Variants in PPARGC1A observed in about 807,000 individuals in gnomAD.
PPARGC1A encodes PPARG coactivator 1 alpha, also known as peroxisome proliferator-activated receptor gamma coactivator 1-alpha.
PPARGC1A carries 25 observed loss-of-function variants against 88.7 expected under a neutral mutation model. The observed-to-expected ratio is 0.28, with a 90% CI of 0.21 to 0.39. The LOEUF (loss-of-function observed/expected upper bound fraction) is 0.39, where lower values mean the gene tolerates loss of function less well. Among genes scored for constraint, PPARGC1A ranks in the 10% least tolerant of loss-of-function variants. The pLI, the probability that PPARGC1A is intolerant of heterozygous loss-of-function variation, is 1.00. For missense variants in PPARGC1A, 880 were observed against 968.7 expected, an observed-to-expected ratio of 0.91 and a Z score of 1.22; for synonymous variants, 363 against 355.6, an observed-to-expected ratio of 1.02 and a Z score of -0.24.
the PPARGC1A span, among the ~76,000 whole-genome samples, chr4:24,125,161 TTA>T: frequency 6.6e-6 from 1 of 152,142 alleles, no homozygotes; most frequent in Admixed American, 6.5e-5. Context: ...TGAGCCCAAG[TTA>T]TATAGAGTCC....
At chr4:24,063,837 C>T in the PPARGC1A span, among the ~76,000 whole-genome samples, 1 of 152,140 alleles carries the variant, frequency 6.6e-6, no homozygotes, top group Non-Finnish European at 1.5e-5. Flanking sequence ...TCAATGCCTC[C>T]CCATCCCCCT....
intron 12 of PPARGC1A, among the ~76,000 whole-genome samples, chr4:23,796,398 G>A (rs1306156842): frequency 6.6e-6 from 1 of 152,186 alleles, no homozygotes; most frequent in Non-Finnish European, 1.5e-5. Flanking sequence ...TGAGGCAGGA[G>A]GGGACATATG....
chr4:24,359,131 C>T, the PPARGC1A span, among the ~76,000 whole-genome samples: 1 of 152,292 alleles, frequency 6.6e-6, no homozygotes, highest in South Asian at 2.1e-4. Flanking sequence ...CTCTCTATGC[C>T]AGTGTCAATG....
the PPARGC1A span, among the ~76,000 whole-genome samples, chr4:24,096,726 TGCCA>T: frequency 2.6e-5 from 4 of 152,286 alleles, no homozygotes; most frequent in African/African-American, 4.8e-5. Flanking sequence ...GTCAAATTGA[TGCCA>T]AAAAGTAATG....
chr4:24,283,325 C>A, the PPARGC1A span, among the ~76,000 whole-genome samples: 2 of 152,196 alleles, frequency 1.3e-5, no homozygotes, highest in South Asian at 4.1e-4. Flanking sequence ...ACTAGCCATG[C>A]CATGGGATCC....
At chr4:24,447,712 T>G in the PPARGC1A span, among the ~76,000 whole-genome samples, 9 of 152,154 alleles carry the variant, frequency 5.9e-5, 1 homozygote, top group South Asian at 1.7e-3. Context: ...CTCCTCAGTT[T>G]CCCCAGTTGT....
chr4:24,020,555 A>G, the PPARGC1A span, among the ~76,000 whole-genome samples: 5 of 152,196 alleles, frequency 3.3e-5, no homozygotes, highest in Non-Finnish European at 5.9e-5. Context: ...AGGTTTAAGC[A>G]ATCTGCTACT....
chr4:24,275,622 A>G, the PPARGC1A span, among the ~76,000 whole-genome samples: 1 of 152,214 alleles, frequency 6.6e-6, no homozygotes, highest in Admixed American at 6.5e-5. Context: ...TTGCTTTAGA[A>G]TGCAATTATT....
chr4:24,121,112 A>G, the PPARGC1A span, among the ~76,000 whole-genome samples: 2 of 152,158 alleles, frequency 1.3e-5, no homozygotes, highest in South Asian at 4.1e-4. Flanking sequence ...GGTTATTGTG[A>G]GGATTCTCTG....
chr4:24,012,025 A>G, the PPARGC1A span, among the ~76,000 whole-genome samples: 1 of 152,192 alleles, frequency 6.6e-6, no homozygotes, highest in African/African-American at 2.4e-5. Context: ...TACCTAAAAT[A>G]GAAATCTGGT....
the PPARGC1A span, among the ~76,000 whole-genome samples, chr4:24,396,801 A>G: frequency 2.0e-5 from 3 of 152,112 alleles, no homozygotes; most frequent in Admixed American, 2.0e-4. Flanking sequence ...TCCTTCATAA[A>G]AAGGTCCTCT....
the PPARGC1A span, among the ~76,000 whole-genome samples, chr4:23,965,675 G>T: frequency 2.0e-5 from 3 of 152,140 alleles, no homozygotes; most frequent in Non-Finnish European, 2.9e-5. Flanking sequence ...CGAAGCTCCT[G>T]TGTGGAGGGT....
chr4:23,968,811 A>C, the PPARGC1A span, among the ~76,000 whole-genome samples: 6 of 152,034 alleles, frequency 3.9e-5, no homozygotes, highest in Non-Finnish European at 7.4e-5. Context: ...GCTACTAAGG[A>C]GGCTGAGGCA....
intron 2 of PPARGC1A, among the ~76,000 whole-genome samples, chr4:23,860,598 T>C (rs766115370): frequency 6.6e-6 from 1 of 152,202 alleles, no homozygotes; most frequent in Non-Finnish European, 1.5e-5. Flanking sequence ...AATAATGCTA[T>C]TTAAAATAAG....
chr4:23,849,924 CATTA>C (rs1728988582), intron 2 of PPARGC1A, among the ~76,000 whole-genome samples: 1 of 149,972 alleles, frequency 6.7e-6, no homozygotes, highest in African/African-American at 2.5e-5. Flanking sequence ...ACGGTACAGT[CATTA>C]GTCTGTAATG....
At chr4:24,062,833 A>C in the PPARGC1A span, among the ~76,000 whole-genome samples, 1 of 152,202 alleles carries the variant, frequency 6.6e-6, no homozygotes, top group African/African-American at 2.4e-5. Flanking sequence ...CTCATCTATA[A>C]ATACATTTAA....
chr4:24,367,211 G>A, the PPARGC1A span, among the ~76,000 whole-genome samples: 8 of 152,124 alleles, frequency 5.3e-5, no homozygotes, highest in African/African-American at 1.9e-4. Flanking sequence ...GGAAGAAATG[G>A]GGGAGGAGAC....
the PPARGC1A span, among the ~76,000 whole-genome samples, chr4:24,203,012 A>G: frequency 1.3e-5 from 2 of 152,204 alleles, no homozygotes; most frequent in South Asian, 4.1e-4. Context: ...CTCTTTCTCC[A>G]GAAAGGTTTG....
chr4:24,359,107 C>T, the PPARGC1A span, among the ~76,000 whole-genome samples: 2 of 152,200 alleles, frequency 1.3e-5, no homozygotes, highest in Non-Finnish European at 2.9e-5. Context: ...ATTTAGCAAT[C>T]ATTTGTGGAG....
Sources: gnomAD v4.1 joint callset for allele counts (sites outside exome capture counted in the v4.1 genomes callset) on GRCh38, gnomAD v4.1.1 for gene constraint, MANE v1.5 for transcripts, NCBI Gene and HGNC (gene_info 2026-07-23, HGNC 2026-07-21) for gene names.